Variants in PAK5 observed in about 807,000 individuals in gnomAD.
PAK5 encodes the protein serine/threonine-protein kinase PAK 5.
PAK5 carries 16 observed loss-of-function variants against 65.9 expected under a neutral mutation model. The observed-to-expected ratio is 0.24, with a 90% CI of 0.16 to 0.37. The LOEUF is 0.37. Ranked by LOEUF, PAK5 falls within the 10% of genes least tolerant of loss-of-function variation. The pLI, the probability that PAK5 is intolerant of heterozygous loss-of-function variation, is 1.00. For synonymous variants in PAK5, 371 were observed against 354.9 expected (o/e 1.05, Z -0.51); for missense variants, 785 against 903.9 (o/e 0.87, Z 1.69).
At chr20:9,755,106 G>A (rs2048618932) in intron 1 of PAK5, among the ~76,000 whole-genome samples, 1 of 152,130 alleles carries the variant, frequency 6.6e-6, no homozygotes, top group South Asian at 2.1e-4. Flanking sequence ...ATAGCCAAAT[G>A]AAATACCCAC....
chr20:9,583,965 T>C (rs1388826384), intron 3 of PAK5, among the ~76,000 whole-genome samples: 1 of 152,218 alleles, frequency 6.6e-6, no homozygotes, highest in Non-Finnish European at 1.5e-5. Flanking sequence ...TGCCTATTCC[T>C]TTTTTATTCC....
At chr20:9,707,593 C>T (rs554217551) in intron 2 of PAK5, among the ~76,000 whole-genome samples, 146 of 152,230 alleles carry the variant, frequency 9.6e-4, no homozygotes, top group African/African-American at 3.4e-3. Flanking sequence ...TTCCACATCC[C>T]TTAAATCTGA....
At chr20:9,648,278 T>A (rs2047159367) in intron 2 of PAK5, among the ~76,000 whole-genome samples, 1 of 152,170 alleles carries the variant, frequency 6.6e-6, no homozygotes, top group South Asian at 2.1e-4. Context: ...AGAGGTCTTC[T>A]CCTAGTGAAC....
chr20:9,622,847 G>T lies in PAK5; in HGVS notation c.204+21278C>A, dbSNP rs542473163. ...AAAACCAGTCCCTGGTGCCAAAAAG[G>T]TTGGGGACTGCTGTGTTAAGCAACA... On this transcript the variant is annotated intron_variant, in intron 3 of 9. Coordinates refer to ENST00000353224, the MANE Select transcript of PAK5 (RefSeq NM_177990.4). Among the ~76,000 whole-genome samples the T allele has an allele frequency of 2.0e-5, 3 of 152,280 alleles. No individual in the cohort carries two copies. The South Asian group carries it at 6.2e-4, about 32-fold the overall frequency.
chr20:9,769,318 T>C (rs1401962489), intron 1 of PAK5, among the ~76,000 whole-genome samples: 1 of 152,234 alleles, frequency 6.6e-6, no homozygotes, highest in Non-Finnish European at 1.5e-5. Context: ...ATCTGTTAAT[T>C]CTGCCCATGG....
At chr20:9,724,779 G>A (rs1249840145) in intron 1 of PAK5, among the ~76,000 whole-genome samples, 2 of 152,030 alleles carry the variant, frequency 1.3e-5, no homozygotes, top group African/African-American at 2.4e-5. Flanking sequence ...TGACTCAACC[G>A]GCATCATAGC....
chr20:9,547,216 A>G (rs1239650450), intron 7 of PAK5, among the ~76,000 whole-genome samples: 1 of 152,156 alleles, frequency 6.6e-6, no homozygotes, highest in Non-Finnish European at 1.5e-5. Context: ...AAACGTATAT[A>G]AAACTTCTCC....
chr20:9,638,919 G>A (rs1204227948), intron 3 of PAK5, among the ~76,000 whole-genome samples: 1 of 152,134 alleles, frequency 6.6e-6, no homozygotes. Flanking sequence ...CACTTCCTCC[G>A]TTGACTGTTT....
intron 2 of PAK5, among the ~76,000 whole-genome samples, chr20:9,662,193 A>C (rs2047356375): frequency 6.6e-6 from 1 of 152,214 alleles, no homozygotes; most frequent in East Asian, 1.9e-4. Flanking sequence ...GGGAGTTAAT[A>C]ACACTTGCAT....
intron 6 of PAK5, 92 bp from the exon 7 acceptor site, chr20:9,557,826 C>T (rs1000309476): frequency 1.0e-6 from 1 of 979,042 alleles, no homozygotes; most frequent in Admixed American, 2.0e-5. Context: ...TTTAGTGAAA[C>T]AGTCCACGTG....
rs1326346295 is a variant in PAK5, at chr20:9,557,592, A to G, written c.1743+16T>C. ...GACAAGAAAAACTACGAACGGGCCA[A>G]ACATGAACATCTTACCCGGCCATCG... On this transcript the variant is annotated intron_variant, in intron 7 of 9. Coordinates refer to ENST00000353224, the MANE Select transcript of PAK5 (RefSeq NM_177990.4). 4.4e-6 allele frequency: 7 copies of G among 1,603,054 alleles called. No homozygotes were observed. Among genetic ancestry groups the G allele is most frequent in the Non-Finnish European group, 6.0e-6 (7 of 1,175,164 alleles).
chr20:9,603,364 GT>G (rs1186353530), intron 3 of PAK5, among the ~76,000 whole-genome samples: 3 of 152,120 alleles, frequency 2.0e-5, no homozygotes, highest in Admixed American at 1.3e-4. Flanking sequence ...CACCTTCTCT[GT>G]TTTCTTCTTC....
At chr20:9,614,075 C>T (rs2046611977) in intron 3 of PAK5, among the ~76,000 whole-genome samples, 3 of 152,174 alleles carry the variant, frequency 2.0e-5, no homozygotes, top group Admixed American at 2.0e-4. Flanking sequence ...AACTATGATT[C>T]ATGTGCTAAG....
At chr20:9,669,751 TTTTA>T (rs1343982421) in intron 2 of PAK5, among the ~76,000 whole-genome samples, 1 of 151,972 alleles carries the variant, frequency 6.6e-6, no homozygotes, top group Non-Finnish European at 1.5e-5. Context: ...TTATTTTTAT[TTTTA>T]TTTATTTTGA....
At chr20:9,777,967 C>T (rs1217522839) in intron 1 of PAK5, among the ~76,000 whole-genome samples, 5 of 152,154 alleles carry the variant, frequency 3.3e-5, no homozygotes, top group Non-Finnish European at 5.9e-5. Flanking sequence ...TTACGTGAAG[C>T]TCTATGGGCA....
chr20:9,820,651 A>G (rs137884977), intron 1 of PAK5, among the ~76,000 whole-genome samples: 3 of 152,344 alleles, frequency 2.0e-5, no homozygotes, highest in African/African-American at 7.2e-5. Flanking sequence ...CTTCCAGTCC[A>G]ATGGGACAAA....
chr20:9,740,272 A>G (rs990567195), intron 1 of PAK5, among the ~76,000 whole-genome samples: 2 of 152,164 alleles, frequency 1.3e-5, no homozygotes, highest in Non-Finnish European at 2.9e-5. Flanking sequence ...TGAAGGCTCT[A>G]AATACCAGGG....
chr20:9,833,494 T>C (rs980047034), intron 1 of PAK5, among the ~76,000 whole-genome samples: 1 of 147,504 alleles, frequency 6.8e-6, no homozygotes, highest in Non-Finnish European at 1.5e-5. Context: ...CACCTTCATG[T>C]ATTCGTCTCC....
intron 3 of PAK5, among the ~76,000 whole-genome samples, chr20:9,599,128 T>C (rs2046318938): frequency 6.6e-6 from 1 of 152,164 alleles, no homozygotes; most frequent in South Asian, 2.1e-4. Flanking sequence ...AGACTTGTTC[T>C]TTTGTCCCTG....
Sources: allele counts gnomAD v4.1 joint callset (sites outside exome capture counted in the v4.1 genomes callset), GRCh38; gene constraint gnomAD v4.1.1; transcripts MANE v1.5; gene names NCBI Gene and HGNC (gene_info 2026-07-23, HGNC 2026-07-21).